The following DNAJA4 variants were observed in gnomAD, a reference collection of about 807,000 sequenced individuals.
DNAJA4 encodes the protein dnaJ homolog subfamily A member 4.
DNAJA4 carries 32 observed loss-of-function variants against 39.7 expected under a neutral mutation model. The observed-to-expected ratio is 0.81, with a 90% CI of 0.61 to 1.08. The LOEUF (loss-of-function observed/expected upper bound fraction) is 1.08. DNAJA4 is among the 50% of genes least tolerant of loss of function. The pLI is 0.00. For synonymous variants in DNAJA4, 184 were observed against 182.4 expected (o/e 1.01, Z -0.07); for missense variants, 439 against 505.1 (o/e 0.87, Z 1.25).
In DNAJA4 at chr15:78,264,906, G is replaced by A. The variant is rs543294759; in HGVS notation, c.132+11G>A. On this transcript the variant is annotated intron_variant, in intron 1 of 6. Coordinates refer to ENST00000394852, the MANE Select transcript of DNAJA4 (RefSeq NM_001130182.2). ...GATGAGGGCGAGAAGGTGCGGGGCG[G>A]CGCGGGGCACGGGCCGGGCTCCCGA... 40 of 1,583,556 alleles carry A rather than the reference G, an allele frequency of 2.5e-5. 2 individuals carry two copies. The African/African-American group carries it at 4.5e-4, about 18-fold the overall frequency.
chr15:78,270,271 T>C, intron 1 of DNAJA4: 1 of 476,196 alleles, frequency 2.1e-6, no homozygotes, highest in South Asian at 3.1e-5. Flanking sequence ...CTTATTCTTA[T>C]CGTGTCCCTA....
rs1359788828 is a variant in DNAJA4, at chr15:78,280,968, G to A, written c.*508G>A. 1.3e-5 allele frequency: 2 copies of A among 155,706 alleles called. No individual in the cohort carries two copies. Among genetic ancestry groups the A allele is most frequent in the Admixed American group, 1.2e-4 (2 of 16,052 alleles). The allele number at this position is 155,706 out of a possible 1,614,324, so 9.6% of individuals were successfully genotyped here. On this transcript the variant is annotated 3_prime_UTR_variant, in exon 7 of 7. Transcript: ENST00000394852. The stretch of plus-strand genomic sequence containing the variant: ...GAGGATTCTAGATGATCCTCTTAAA[G>A]AATAAAAGCACATCCGTGGATCGGA...
intron 1 of DNAJA4, chr15:78,265,627 G>A (rs2049101033): frequency 4.3e-6 from 3 of 702,216 alleles, no homozygotes; most frequent in African/African-American, 3.5e-5. Context: ...TTTCCATCCT[G>A]TTTACAGAAA....
intron 1 of DNAJA4, among the ~76,000 whole-genome samples, chr15:78,269,192 C>T (rs569607946): frequency 6.6e-6 from 1 of 152,106 alleles, no homozygotes; most frequent in Non-Finnish European, 1.5e-5. Flanking sequence ...CGTGGGCCAC[C>T]TTGTAGAGGT....
rs374949491 is a variant in DNAJA4 at position 78,273,111 on chromosome 15, C to A, written c.330C>A (p.His110Gln). ...ARERRGKNVV[H>Q]QLSVTLEDLY... ...CTTGCTAAGGCAAGAATGTTGTACACCAGTTATCTGTAACTCTTGAAGATC... is the reference window on the plus strand; with the variant it reads ...CTTGCTAAGGCAAGAATGTTGTACAACAGTTATCTGTAACTCTTGAAGATC... The change falls in exon 3 of 7, where the codon CAC (histidine) becomes CAA (glutamine). Residue 110 changes from histidine to glutamine, a missense_variant. By Grantham distance (24) the His-to-Gln change is conservative. Transcript: ENST00000394852. 2.5e-6 allele frequency: 4 copies of A among 1,597,276 alleles called. No homozygotes were observed. Among genetic ancestry groups the A allele is most frequent in the Non-Finnish European group, 2.6e-6 (3 of 1,165,934 alleles).
At position 78,270,594 on chromosome 15, in the gene DNAJA4, C is replaced by T. The variant is rs760245213; in HGVS notation, c.230C>T (p.Ser77Leu). Residue 77 changes from serine (S) to leucine (L), a missense_variant, in exon 2 of 7, where the codon TCA (serine) becomes TTA (leucine). Coordinates refer to ENST00000394852, the MANE Select transcript of DNAJA4 (RefSeq NM_001130182.2). ...GGEQAIKEGG[S>L]GSPSFSSPMD... Reference sequence around the variant, plus strand: ...GAGCAGGCAATTAAAGAAGGAGGCTCAGGCAGCCCCAGCTTCTCTTCACCC... The same window carrying T: ...GAGCAGGCAATTAAAGAAGGAGGCTTAGGCAGCCCCAGCTTCTCTTCACCC... The T allele has an allele frequency of 3.7e-5, 60 of 1,614,062 alleles. No individual in the cohort carries two copies. The highest frequency in any genetic ancestry group is 1.2e-4 in the South Asian group (11 of 91,086).
rs1289935370 is a variant in DNAJA4, at chr15:78,280,996, T to A, written c.*536T>A. 2 of 155,334 alleles carry A rather than the reference T, an allele frequency of 1.3e-5. No individual in the cohort carries two copies. The highest frequency in any genetic ancestry group is 4.8e-5 in the African/African-American group (2 of 41,468). The allele number at this position is 155,334 out of a possible 1,614,324, so 9.6% of individuals were successfully genotyped here. A position where few individuals can be genotyped will look rare whatever the true frequency, so the allele number is the denominator to read the frequency against. On this transcript the variant is annotated 3_prime_UTR_variant, in exon 7 of 7. Coordinates refer to ENST00000394852, the MANE Select transcript of DNAJA4 (RefSeq NM_001130182.2). ...TAAAAGCACATCCGTGGATCGGACA[T>A]GGCTGCATGTGCCTGCTTAACAGGG...
intron 4 of DNAJA4, 143 bp downstream of exon 4, chr15:78,274,567 G>C: frequency 1.4e-6 from 1 of 733,940 alleles, no homozygotes. Flanking sequence ...TTGTTTCCCA[G>C]TCTTCTCTTC....
Position 78,270,966 on chromosome 15 carries a change from G to C in DNAJA4, c.313+289G>C, listed in dbSNP as rs577608037. On this transcript the variant is annotated intron_variant, in intron 2 of 6. Transcript: ENST00000394852. ...TGTAGTCTCCGCTACTTCTTGAGATGCTGAGGCTGGAGGAAAACTTGAGCC... is the reference window on the plus strand; with the variant it reads ...TGTAGTCTCCGCTACTTCTTGAGATCCTGAGGCTGGAGGAAAACTTGAGCC... Among the ~76,000 whole-genome samples, 556 of 152,292 alleles carry C rather than the reference G, an allele frequency of 3.7e-3. 7 individuals are homozygous for C. The highest frequency in any genetic ancestry group is 0.013 in the African/African-American group (538 of 41,558).
In DNAJA4 at chr15:78,280,277, G is replaced by A. The variant is rs752673309; in HGVS notation, c.1011G>A (p.Leu337=). The A allele has an allele frequency of 1.9e-6, 3 of 1,614,058 alleles. No individual in the cohort carries two copies. Among genetic ancestry groups the A allele is most frequent in the South Asian group, 2.2e-5 (2 of 91,084 alleles). Residue 337 remains leucine (L), a synonymous_variant, in exon 7 of 7, where the codon CTG becomes CTA. Transcript: ENST00000394852. ...TTCCTGAAAAACACTGGCTTTCTCT[G>A]GAAAAGCTTCCTCAGCTGGAAGCTT... ...VIFPEKHWLS[L]EKLPQLEALL...
intron 5 of DNAJA4, among the ~76,000 whole-genome samples, 165 bp downstream of exon 5, chr15:78,275,893 T>G (rs879719803): frequency 2.0e-5 from 3 of 152,248 alleles, no homozygotes; most frequent in African/African-American, 7.2e-5. Context: ...GCCACGTGTT[T>G]AGGGCATCTG....
intron 5 of DNAJA4, among the ~76,000 whole-genome samples, chr15:78,276,713 G>C (rs1330341903): frequency 6.6e-6 from 1 of 152,252 alleles, no homozygotes; most frequent in Non-Finnish European, 1.5e-5. Context: ...GTGGGGCTGG[G>C]ATTACCTTTT....
chr15:78,275,578 G>A lies in DNAJA4; in HGVS notation c.727G>A (p.Val243Met), dbSNP rs747222954. 6 of 1,614,212 alleles carry A rather than the reference G, an allele frequency of 3.7e-6. No homozygotes were observed. The Admixed American group carries it at 8.3e-5, about 22-fold the overall frequency. ...PELEPGDVII[V>M]LDQKDHSVFQ... Reference sequence around the variant, plus strand: ...GCTGGAGCCTGGTGATGTCATAATTGTGCTTGATCAGAAGGATCATAGTGT... The same window carrying A: ...GCTGGAGCCTGGTGATGTCATAATTATGCTTGATCAGAAGGATCATAGTGT... The change falls in exon 5 of 7, where the codon GTG becomes ATG. Residue 243 changes from valine to methionine, a missense_variant. By Grantham distance (21) the Val-to-Met change is conservative. Transcript: ENST00000394852.
intron 5 of DNAJA4, among the ~76,000 whole-genome samples, chr15:78,277,115 T>C (rs2049488044): frequency 2.0e-5 from 3 of 152,258 alleles, no homozygotes; most frequent in Admixed American, 1.3e-4. Context: ...ATATGATTTG[T>C]CTGATGTTAA....
chr15:78,264,724 C>T lies in DNAJA4; in HGVS notation c.-40C>T, dbSNP rs771718126. 3.5e-6 allele frequency: 5 copies of T among 1,409,374 alleles called. No individual in the cohort carries two copies. The East Asian group carries it at 1.0e-4, about 29-fold the overall frequency. 87.3% of individuals were successfully genotyped at this position (1,409,374 alleles called of 1,614,324 possible). A position where few individuals can be genotyped will look rare whatever the true frequency, so the allele number is the denominator to read the frequency against. On this transcript the variant is annotated 5_prime_UTR_variant, in exon 1 of 7. Transcript: ENST00000394852. ...AGGGTGCCGGCAGGGGCGTCCGGGG[C>T]GCTCTGACCGGCCTCGCCCGCCCCC...
chr15:78,265,829 T>G, intron 1 of DNAJA4: 1 of 610,392 alleles, frequency 1.6e-6, no homozygotes, highest in Non-Finnish European at 2.9e-6. Flanking sequence ...CAGTGTCACT[T>G]GGGCCACGTT....
chr15:78,277,853 A>T (rs1311620285), intron 5 of DNAJA4: 1 of 351,958 alleles, frequency 2.8e-6, no homozygotes, highest in Non-Finnish European at 5.5e-6. Context: ...CTTCTTTATT[A>T]TAAGGAAGGG....
chr15:78,276,190 G>A (rs1451725786), intron 5 of DNAJA4, among the ~76,000 whole-genome samples: 1 of 152,180 alleles, frequency 6.6e-6, no homozygotes, highest in Non-Finnish European at 1.5e-5. Context: ...AGCTTAATAG[G>A]TGGTGTTTTT....
intron 5 of DNAJA4, among the ~76,000 whole-genome samples, chr15:78,277,332 T>C (rs1250365102): frequency 6.6e-6 from 1 of 152,252 alleles, no homozygotes; most frequent in Non-Finnish European, 1.5e-5. Flanking sequence ...ATGTTTGTAC[T>C]TTTTGTAGAG....
Sources: gnomAD v4.1 joint callset for allele counts (sites outside exome capture counted in the v4.1 genomes callset) on GRCh38, gnomAD v4.1.1 for gene constraint, MANE v1.5 for transcripts, NCBI Gene and HGNC (gene_info 2026-07-23, HGNC 2026-07-21) for gene names.